ANKS1A: variants seen among roughly 807,000 people sequenced by gnomAD.
ANKS1A encodes ankyrin repeat and SAM domain-containing protein 1A.
ANKS1A carries 55 observed loss-of-function variants against 120.3 expected under a neutral mutation model. That is an observed-to-expected ratio of 0.46 (90% confidence interval 0.37 to 0.57). The LOEUF is 0.57. Ranked by LOEUF, ANKS1A falls within the 20% of genes least tolerant of loss-of-function variation. The probability of loss-of-function intolerance (pLI) is 0.00; values close to 1 mark genes in which losing one functional copy is unlikely to be tolerated. For missense variants in ANKS1A, 1,123 were observed against 1,480.3 expected, an observed-to-expected ratio of 0.76 and a Z score of 3.96; for synonymous variants, 590 against 604.7, an observed-to-expected ratio of 0.98 and a Z score of 0.36.
Position 35,087,061 on chromosome 6 carries a change from C to T in ANKS1A, c.3401+12C>T, listed in dbSNP as rs1481247314. The T allele has an allele frequency of 6.2e-7, 1 of 1,613,198 alleles. No homozygotes were observed. Among genetic ancestry groups the T allele is most frequent in the East Asian group, 2.2e-5 (1 of 44,878 alleles). On this transcript the variant is annotated intron_variant, in intron 23 of 23. Transcript: ENST00000360359. ...AGCCTCAGCACCAAGTATGAGACCA[C>T]TATCTTCTAAAACAACCCACTCCCT... is the stretch of plus-strand genomic sequence containing the variant.
At chr6:35,029,216 T>C (rs1315770455) in intron 11 of ANKS1A, among the ~76,000 whole-genome samples, 1 of 152,150 alleles carries the variant, frequency 6.6e-6, no homozygotes, top group Non-Finnish European at 1.5e-5. Context: ...AAGCTCTTTG[T>C]ATTTGAGAAA....
Position 34,889,638 on chromosome 6 carries a change from C to A in ANKS1A, c.197+39C>A. The stretch of plus-strand genomic sequence containing the variant: ...AGGGCCGGGCCGCTGCCTGCAGACC[C>A]TTTCTCCCCCACCCGTCTCTTGGGT... On this transcript the variant is annotated intron_variant, in intron 1 of 23. Transcript: ENST00000360359. This position sits in a 1 kb window ranked among gnomAD's most constrained non-coding sequence, Gnocchi z 5.5. 1 of 1,268,442 alleles carries A rather than the reference C, an allele frequency of 7.9e-7. No homozygotes were observed. Among genetic ancestry groups the A allele is most frequent in the Admixed American group, 3.2e-5 (1 of 30,982 alleles). The allele number at this position is 1,268,442 out of a possible 1,614,324, so 78.6% of individuals were successfully genotyped here. A position where few individuals can be genotyped will look rare whatever the true frequency, so the allele number is the denominator to read the frequency against.
intron 13 of ANKS1A, among the ~76,000 whole-genome samples, chr6:35,071,840 T>G (rs1777103048): frequency 6.6e-6 from 1 of 152,186 alleles, no homozygotes. Flanking sequence ...CCCCATCCTG[T>G]AGACAGGGCT....
chr6:35,094,055 C>T (rs768479539), downstream of ANKS1A, among the ~76,000 whole-genome samples: 6 of 152,214 alleles, frequency 3.9e-5, no homozygotes, highest in Non-Finnish European at 7.3e-5. Flanking sequence ...CAGCCTCCCA[C>T]CTCAGGTGTC....
chr6:35,062,908 T>C (rs1398226365), intron 13 of ANKS1A, among the ~76,000 whole-genome samples: 1 of 152,260 alleles, frequency 6.6e-6, no homozygotes, highest in African/African-American at 2.4e-5. Flanking sequence ...CTGTGGCTTC[T>C]GTCTCTTGGT....
chr6:34,991,521 G>C, intron 9 of ANKS1A, among the ~76,000 whole-genome samples: 1 of 138,436 alleles, frequency 7.2e-6, no homozygotes, highest in African/African-American at 2.7e-5. Flanking sequence ...TTTCCACATA[G>C]CCGGGAAAAA....
chr6:35,076,059 C>T (rs1777338821), intron 13 of ANKS1A, among the ~76,000 whole-genome samples: 1 of 152,146 alleles, frequency 6.6e-6, no homozygotes, highest in South Asian at 2.1e-4. Context: ...GCCATTGCAC[C>T]TGGCCAATTT....
At chr6:34,998,062 C>T (rs1772949435) in intron 10 of ANKS1A, among the ~76,000 whole-genome samples, 2 of 152,204 alleles carry the variant, frequency 1.3e-5, no homozygotes, top group Admixed American at 1.3e-4. Context: ...GACAAAATAC[C>T]TGAGACACTG....
intron 9 of ANKS1A, among the ~76,000 whole-genome samples, chr6:34,993,186 TTTC>T (rs1421750998): frequency 6.6e-6 from 1 of 152,232 alleles, no homozygotes; most frequent in African/African-American, 2.4e-5. Flanking sequence ...TATTCTTATT[TTTC>T]TTCTTATTTT....
At chr6:35,095,132 C>CTGTGT (rs1778419795), downstream of ANKS1A, among the ~76,000 whole-genome samples, 13 of 131,782 alleles carry the variant, frequency 9.9e-5, no homozygotes, top group Middle Eastern at 3.8e-3. Flanking sequence ...CAGAGTGAGA[C>CTGTGT]CCCCATCTCA....
chr6:34,942,895 TTTCCCTTCCCTTTCC>T (rs1769602046), intron 1 of ANKS1A, among the ~76,000 whole-genome samples: 1 of 151,486 alleles, frequency 6.6e-6, no homozygotes, highest in Admixed American at 6.6e-5. Context: ...TTTCCTTTTC[TTTCCCTTCCCTTTCC>T]TTCCCTTTCC....
At chr6:34,942,678 A>G (rs1294139955) in intron 1 of ANKS1A, among the ~76,000 whole-genome samples, 4 of 151,110 alleles carry the variant, frequency 2.6e-5, no homozygotes, top group Admixed American at 6.6e-5. Context: ...TTTCATCCTG[A>G]TACTGATTTT....
intron 1 of ANKS1A, among the ~76,000 whole-genome samples, chr6:34,913,531 G>A (rs73421521): frequency 2.0e-4 from 31 of 152,274 alleles, no homozygotes; most frequent in African/African-American, 7.5e-4. Context: ...GGTTTCAAAC[G>A]CATGAGCTCA....
intron 10 of ANKS1A, among the ~76,000 whole-genome samples, chr6:35,006,237 G>A (rs1376851783): frequency 6.7e-6 from 1 of 149,300 alleles, no homozygotes; most frequent in Admixed American, 6.7e-5. Flanking sequence ...TCACACACCT[G>A]TAATCCCAGC....
rs1182859938 is a variant in ANKS1A, at chr6:35,079,545, C to A, written c.2313C>A (p.Ser771Arg). 2 of 1,613,734 alleles carry A rather than the reference C, an allele frequency of 1.2e-6. No individual in the cohort carries two copies. Among genetic ancestry groups the A allele is most frequent in the South Asian group, 2.2e-5 (2 of 91,076 alleles). The change falls in exon 15 of 24, where the codon AGC becomes AGA. Residue 771 changes from serine to arginine, a missense_variant. Ser to Arg is a moderately radical substitution (Grantham distance 110). Coordinates refer to ENST00000360359, the MANE Select transcript of ANKS1A (RefSeq NM_015245.3). The part of the protein sequence containing the change: ...KVKALGYDGN[S>R]PPSVPSWLDS... The stretch of plus-strand genomic sequence containing the variant: ...AGGCTCTGGGTTATGACGGGAACAG[C>A]CCCCCTAGCGTGCCCTCCTGGCTGG...
At position 35,088,611 on chromosome 6, in the gene ANKS1A, C is replaced by T; in HGVS notation, c.*2C>T. 2.5e-6 allele frequency: 4 copies of T among 1,614,244 alleles called. No homozygotes were observed. Among genetic ancestry groups the T allele is most frequent in the Non-Finnish European group, 3.4e-6 (4 of 1,180,042 alleles). ...CATTGTTTGCTTCTGCCAAGCTGAG[C>T]CACTGAGGAACCACACTGTGCTGCG... On this transcript the variant is annotated 3_prime_UTR_variant, in exon 24 of 24. Transcript: ENST00000360359.
intron 10 of ANKS1A, among the ~76,000 whole-genome samples, chr6:35,004,246 A>G (rs1456561142): frequency 6.6e-6 from 1 of 152,158 alleles, no homozygotes; most frequent in Non-Finnish European, 1.5e-5. Context: ...CCAGCTGATT[A>G]AAGCCACTCC....
intron 3 of ANKS1A, among the ~76,000 whole-genome samples, chr6:34,980,080 A>G (rs1324814221): frequency 6.6e-6 from 1 of 152,250 alleles, no homozygotes; most frequent in African/African-American, 2.4e-5. Flanking sequence ...GAGGACCTCA[A>G]AGACTTGCTT....
chr6:35,085,900 G>A lies in ANKS1A; in HGVS notation c.3267G>A (p.Pro1089=), dbSNP rs202217863. 234 of 1,612,756 alleles carry A rather than the reference G, an allele frequency of 1.5e-4. No homozygotes were observed. Among genetic ancestry groups the A allele is most frequent in the Admixed American group, 3.2e-4 (19 of 59,874 alleles). Residue 1089 remains proline, a synonymous_variant, in exon 22 of 24, where the codon CCG becomes CCA. Transcript: ENST00000360359. The surrounding 1 kb of genome is among the most constrained non-coding windows in gnomAD (Gnocchi z 4.7). ...TGATTGAAACAAAATCTTCCAAACC[G>A]GTGCCTAAGCCTCGGGTCGGCGTGA... is the stretch of plus-strand genomic sequence containing the variant. ...AEMIETKSSK[P]VPKPRVGVRK...
Sources: allele counts gnomAD v4.1 joint callset (sites outside exome capture counted in the v4.1 genomes callset), GRCh38; gene constraint gnomAD v4.1.1; non-coding constraint Gnocchi (gnomAD v3.1); transcripts MANE v1.5; gene names NCBI Gene and HGNC (gene_info 2026-07-23, HGNC 2026-07-21).